GABRB2: variants seen among roughly 807,000 people sequenced by gnomAD.
GABRB2 encodes the protein gamma-aminobutyric acid receptor subunit beta-2.
A neutral mutation model predicts 54.7 loss-of-function variants in GABRB2; 16 were observed. That is an observed-to-expected ratio of 0.29 (90% confidence interval 0.20 to 0.44). The LOEUF is 0.44. GABRB2 is among the 20% of genes least tolerant of loss of function. The pLI is 1.00. For missense variants in GABRB2, 355 were observed against 644.0 expected (o/e 0.55, Z 4.86); for synonymous variants, 244 against 233.8 (o/e 1.04, Z -0.40).
chr5:161,419,482 C>T (rs560657128), intron 4 of GABRB2, among the ~76,000 whole-genome samples: 4 of 152,210 alleles, frequency 2.6e-5, no homozygotes, highest in South Asian at 2.1e-4. Flanking sequence ...GAAAATAAAC[C>T]GCTACGCCAA....
chr5:161,366,672 G>A (rs929211035), intron 5 of GABRB2, among the ~76,000 whole-genome samples: 3 of 152,134 alleles, frequency 2.0e-5, no homozygotes, highest in African/African-American at 7.2e-5. Flanking sequence ...AAGGCCAGGC[G>A]TGATGGCTCA....
intron 8 of GABRB2, chr5:161,329,619 C>A (rs1211096549): frequency 6.6e-6 from 1 of 152,162 alleles, no homozygotes; most frequent in Non-Finnish European, 1.5e-5. Context: ...ATTATTTATA[C>A]TTTGCTATCC....
intron 3 of GABRB2, among the ~76,000 whole-genome samples, chr5:161,513,075 A>G (rs993733360): frequency 6.6e-6 from 1 of 151,882 alleles, no homozygotes; most frequent in African/African-American, 2.4e-5. Context: ...AAACAAAAAA[A>G]CAAGAGATGC....
chr5:161,306,379 A>G (rs941034614), intron 9 of GABRB2, among the ~76,000 whole-genome samples: 6 of 152,226 alleles, frequency 3.9e-5, no homozygotes, highest in Non-Finnish European at 5.9e-5. Flanking sequence ...CACAAACCCC[A>G]TCTGGACTAT....
intron 5 of GABRB2, among the ~76,000 whole-genome samples, chr5:161,398,013 T>TA (rs1756057589): frequency 6.6e-6 from 1 of 150,962 alleles, no homozygotes; most frequent in Non-Finnish European, 1.5e-5. Flanking sequence ...GGTAGATAGA[T>TA]GATAGATAGA....
chr5:161,302,787 C>T (rs545165525), intron 9 of GABRB2, among the ~76,000 whole-genome samples: 110 of 152,140 alleles, frequency 7.2e-4, no homozygotes, highest in Non-Finnish European at 1.2e-3. Flanking sequence ...AGACTACCTA[C>T]CATGCACTTA....
At chr5:161,386,704 G>T (rs1285796910) in intron 5 of GABRB2, among the ~76,000 whole-genome samples, 1 of 151,512 alleles carries the variant, frequency 6.6e-6, no homozygotes, top group Non-Finnish European at 1.5e-5. Flanking sequence ...ACCATGCCCA[G>T]CTAATTTTTG....
At chr5:161,446,906 T>A (rs1010065225) in intron 4 of GABRB2, among the ~76,000 whole-genome samples, 3 of 152,038 alleles carry the variant, frequency 2.0e-5, no homozygotes, top group Non-Finnish European at 4.4e-5. Context: ...TTTATCTTCC[T>A]GTATCTCCAA....
chr5:161,535,016 C>A (rs978796723), intron 3 of GABRB2, among the ~76,000 whole-genome samples: 2 of 152,072 alleles, frequency 1.3e-5, no homozygotes, highest in Non-Finnish European at 2.9e-5. Context: ...GAACATATAC[C>A]AGGCAACATT....
intron 3 of GABRB2, among the ~76,000 whole-genome samples, chr5:161,467,105 A>G (rs1758302199): frequency 6.6e-6 from 1 of 152,082 alleles, no homozygotes; most frequent in Non-Finnish European, 1.5e-5. Flanking sequence ...TTTGTCCATT[A>G]GAACTACACT....
In GABRB2 at chr5:161,459,852, T is replaced by C; in HGVS notation, c.238-8A>G. On this transcript the variant is annotated splice_polypyrimidine_tract_variant and splice_region_variant and intron_variant, in intron 3 of 9. Transcript: ENST00000393959. ...CATTGTCAAGGTATAATCCTGTAAA[T>C]GTGAGAAAAAAAAACATGGTTAGTT... 1 of 1,572,630 alleles carries C rather than the reference T, an allele frequency of 6.4e-7. No individual in the cohort carries two copies. Among genetic ancestry groups the C allele is most frequent in the Non-Finnish European group, 8.7e-7 (1 of 1,145,966 alleles).
intron 5 of GABRB2, among the ~76,000 whole-genome samples, chr5:161,376,453 A>G (rs1019458892): frequency 4.6e-5 from 7 of 152,124 alleles, no homozygotes; most frequent in Non-Finnish European, 1.0e-4. Context: ...TGAAGCCCAC[A>G]TGTGAAAAGA....
At chr5:161,544,704 A>C (rs1324346336) in intron 3 of GABRB2, among the ~76,000 whole-genome samples, 1 of 152,154 alleles carries the variant, frequency 6.6e-6, no homozygotes, top group African/African-American at 2.4e-5. Context: ...GGAGGGATTA[A>C]AGCAAGCAGC....
chr5:161,481,427 G>A (rs1758759199), intron 3 of GABRB2, among the ~76,000 whole-genome samples: 1 of 151,976 alleles, frequency 6.6e-6, no homozygotes, highest in Admixed American at 6.6e-5. Context: ...GAGGTACCGG[G>A]ACCGTATAGT....
intron 9 of GABRB2, among the ~76,000 whole-genome samples, chr5:161,315,687 T>C (rs1484361874): frequency 6.6e-6 from 1 of 152,216 alleles, no homozygotes; most frequent in East Asian, 1.9e-4. Flanking sequence ...ATAGTAATTA[T>C]ACATATTTAT....
chr5:161,515,272 A>C (rs1464461012), intron 3 of GABRB2, among the ~76,000 whole-genome samples: 1 of 151,470 alleles, frequency 6.6e-6, no homozygotes, highest in Non-Finnish European at 1.5e-5. Flanking sequence ...AAAGGGAATT[A>C]GAATTTTTTA....
At chr5:161,412,468 G>T (rs1008905983) in intron 4 of GABRB2, among the ~76,000 whole-genome samples, 8 of 152,000 alleles carry the variant, frequency 5.3e-5, no homozygotes, top group Admixed American at 1.3e-4. Context: ...ATCACTGCAG[G>T]AGCTTGGTCT....
intron 5 of GABRB2, among the ~76,000 whole-genome samples, chr5:161,349,455 G>C (rs1051973576): frequency 6.6e-5 from 10 of 152,086 alleles, no homozygotes; most frequent in African/African-American, 2.2e-4. Context: ...TGAAATATAT[G>C]TACACAAATT....
chr5:161,355,438 AAC>A (rs1447180876), intron 5 of GABRB2, among the ~76,000 whole-genome samples: 11 of 151,100 alleles, frequency 7.3e-5, no homozygotes, highest in Non-Finnish European at 1.3e-4. Flanking sequence ...ATATGTATAT[AAC>A]ACACACATAT....
Sources: gnomAD v4.1 joint callset for allele counts (sites outside exome capture counted in the v4.1 genomes callset) on GRCh38, gnomAD v4.1.1 for gene constraint, MANE v1.5 for transcripts, NCBI Gene and HGNC (gene_info 2026-07-23, HGNC 2026-07-21) for gene names.